SAMTOR: variants seen among roughly 807,000 people sequenced by gnomAD.
SAMTOR encodes S-adenosylmethionine sensor upstream of mTORC1.
the SAMTOR span, chr7:112,832,540 CA>C: frequency 7.2e-7 from 1 of 1,395,160 alleles, no homozygotes; most frequent in Non-Finnish European, 1.0e-6. Flanking sequence ...TATTAAAGTC[CA>C]AAAACAAAAC....
the SAMTOR span, among the ~76,000 whole-genome samples, chr7:112,894,979 CAT>C: frequency 6.6e-6 from 1 of 152,088 alleles, no homozygotes; most frequent in African/African-American, 2.4e-5. Flanking sequence ...TTATAATAGT[CAT>C]GTACTTATAA....
chr7:112,923,180 CT>C, the SAMTOR span, among the ~76,000 whole-genome samples: 1 of 152,168 alleles, frequency 6.6e-6, no homozygotes, highest in African/African-American at 2.4e-5. Context: ...GACCTTACCC[CT>C]AACCCTGTGC....
the SAMTOR span, among the ~76,000 whole-genome samples, chr7:112,850,460 A>G: frequency 1.3e-5 from 2 of 152,184 alleles, no homozygotes; most frequent in Admixed American, 6.6e-5. Flanking sequence ...TTTTGGGAAC[A>G]GTATCAGTAA....
the SAMTOR span, among the ~76,000 whole-genome samples, chr7:112,834,449 T>TC: frequency 6.6e-6 from 1 of 152,050 alleles, no homozygotes; most frequent in Non-Finnish European, 1.5e-5. Context: ...GATACAATAG[T>TC]CCCCCCTTAT....
the SAMTOR span, among the ~76,000 whole-genome samples, chr7:112,924,567 A>G: frequency 1.3e-5 from 2 of 152,108 alleles, no homozygotes; most frequent in Admixed American, 6.6e-5. Flanking sequence ...TTTAAACCTG[A>G]GAGAATTATT....
chr7:112,864,499 G>A, the SAMTOR span, among the ~76,000 whole-genome samples: 1 of 152,136 alleles, frequency 6.6e-6, no homozygotes, highest in Non-Finnish European at 1.5e-5. Context: ...ATCCATAACA[G>A]TACAAAGATC....
the SAMTOR span, among the ~76,000 whole-genome samples, chr7:112,896,726 T>C: frequency 1.3e-5 from 2 of 152,256 alleles, no homozygotes; most frequent in South Asian, 4.1e-4. Context: ...ATAATTACTA[T>C]ATATAACAAT....
chr7:112,825,364 G>C, the SAMTOR span, among the ~76,000 whole-genome samples: 5 of 152,166 alleles, frequency 3.3e-5, no homozygotes, highest in South Asian at 1.0e-3. Context: ...GTGGTTTGCA[G>C]CATGTGGATT....
chr7:112,856,817 TGAG>T, the SAMTOR span, among the ~76,000 whole-genome samples: 5 of 152,064 alleles, frequency 3.3e-5, no homozygotes, highest in Non-Finnish European at 7.4e-5. Context: ...CTAAAAGAAA[TGAG>T]GAAAAATCAG....
At chr7:112,863,499 G>A in the SAMTOR span, among the ~76,000 whole-genome samples, 1 of 151,832 alleles carries the variant, frequency 6.6e-6, no homozygotes, top group Non-Finnish European at 1.5e-5. Flanking sequence ...AACAGACAAC[G>A]TACAGAATGG....
At chr7:112,923,302 C>T in the SAMTOR span, among the ~76,000 whole-genome samples, 1 of 151,726 alleles carries the variant, frequency 6.6e-6, no homozygotes, top group African/African-American at 2.4e-5. Flanking sequence ...GAGTCATCAC[C>T]ACTCCCTAAT....
the SAMTOR span, among the ~76,000 whole-genome samples, chr7:112,854,366 G>C: frequency 1.3e-5 from 2 of 152,112 alleles, no homozygotes; most frequent in Non-Finnish European, 2.9e-5. Context: ...AAAATTCATT[G>C]CAAGAGGTAA....
chr7:112,924,770 T>C, the SAMTOR span, among the ~76,000 whole-genome samples: 3 of 152,226 alleles, frequency 2.0e-5, no homozygotes, highest in East Asian at 3.9e-4. Flanking sequence ...AGTTCAATCA[T>C]GTTAAATCAT....
the SAMTOR span, among the ~76,000 whole-genome samples, chr7:112,886,646 A>AT: frequency 3.3e-5 from 5 of 152,112 alleles, no homozygotes; most frequent in African/African-American, 7.2e-5. Context: ...AGCCCTCTCA[A>AT]TTTTTTTACT....
At chr7:112,912,005 T>C in the SAMTOR span, among the ~76,000 whole-genome samples, 2 of 151,650 alleles carry the variant, frequency 1.3e-5, no homozygotes, top group African/African-American at 2.4e-5. Flanking sequence ...AAATGCAATG[T>C]ATGAGACTTG....
the SAMTOR span, among the ~76,000 whole-genome samples, chr7:112,854,047 T>G: frequency 2.0e-5 from 3 of 152,132 alleles, no homozygotes; most frequent in African/African-American, 4.8e-5. Flanking sequence ...CTTTTGGGGC[T>G]GTTAGATGAG....
At chr7:112,914,497 C>T in the SAMTOR span, among the ~76,000 whole-genome samples, 73 of 151,958 alleles carry the variant, frequency 4.8e-4, 3 homozygotes, top group African/African-American at 1.7e-3. Context: ...AGCATTATTT[C>T]ATTTTCTGAT....
the SAMTOR span, chr7:112,895,569 T>G: frequency 6.5e-7 from 1 of 1,528,702 alleles, no homozygotes; most frequent in Non-Finnish European, 8.9e-7. Context: ...GTATACTTAC[T>G]CAGTTATAAA....
chr7:112,880,433 G>T, the SAMTOR span, among the ~76,000 whole-genome samples: 1 of 152,048 alleles, frequency 6.6e-6, no homozygotes, highest in Non-Finnish European at 1.5e-5. Flanking sequence ...TAAAAATTAG[G>T]TAAGTAACTG....
Sources: gnomAD v4.1 joint callset for allele counts (sites outside exome capture counted in the v4.1 genomes callset) on GRCh38, gnomAD v4.1.1 for gene constraint, MANE v1.5 for transcripts, NCBI Gene and HGNC (gene_info 2026-07-23, HGNC 2026-07-21) for gene names.